ZBTB11: variants seen among roughly 807,000 people sequenced by gnomAD.
The protein encoded by ZBTB11 is zinc finger and BTB domain containing 11.
A neutral mutation model predicts 113.1 loss-of-function variants in ZBTB11; 68 were observed. That is an observed-to-expected ratio of 0.60 (90% CI 0.49 to 0.74). The LOEUF is 0.74. ZBTB11 is among the 30% of genes least tolerant of loss of function. ZBTB11 has a pLI of 0.00. For missense variants in ZBTB11, 1,104 were observed against 1,279.4 expected (o/e 0.86, Z 2.09); for synonymous variants, 518 against 452.6 (o/e 1.14, Z -1.83).
rs777945121 is a variant in ZBTB11, at chr3:101,676,920, A to T, written c.-6T>A. 1.3e-6 allele frequency: 2 copies of T among 1,556,948 alleles called. No individual in the cohort carries two copies. Among genetic ancestry groups the T allele is most frequent in the Admixed American group, 3.7e-5 (2 of 54,106 alleles). ...TAGCTTTCCTCGCTTGACATCGCGG[A>T]CCGCGGCTCCCTGAGGGCGCCTGTC... On this transcript the variant is annotated 5_prime_UTR_variant, in exon 1 of 11. Transcript: ENST00000312938.
chr3:101,669,902 C>T (rs576261295), intron 3 of ZBTB11, among the ~76,000 whole-genome samples: 1 of 151,328 alleles, frequency 6.6e-6, no homozygotes, highest in South Asian at 2.1e-4. Flanking sequence ...GATCTCAGCT[C>T]ACCGCAACGT....
Position 101,665,122 on chromosome 3 carries a change from C to T in ZBTB11, c.1465G>A (p.Ala489Thr). Residue 489 changes from alanine (A) to threonine (T), a missense_variant, in exon 4 of 11, where the codon GCA becomes ACA. By Grantham distance (58) the Ala-to-Thr change is moderately conservative (BLOSUM62 0). Around this residue, in one of 5 missense-constraint regions of ZBTB11, gnomAD observed 535 missense variants for 518.6 expected, o/e 1.03. Coordinates refer to ENST00000312938, the MANE Select transcript of ZBTB11 (RefSeq NM_014415.4). ...CCAAAGTCTGTCTTTGCTGTTGATG[C>T]AACTAGATTTTCCTGATCTTTTAAA... The part of the protein sequence containing the change: ...QPLKDQENLV[A>T]STAKTDFGPD... 1 of 1,614,144 alleles carries T rather than the reference C, an allele frequency of 6.2e-7. No individual in the cohort carries two copies. Among genetic ancestry groups the T allele is most frequent in the Non-Finnish European group, 8.5e-7 (1 of 1,180,034 alleles).
chr3:101,674,117 T>C (rs374660458), intron 1 of ZBTB11, among the ~76,000 whole-genome samples: 10 of 149,962 alleles, frequency 6.7e-5, no homozygotes, highest in African/African-American at 2.5e-4. Context: ...GGGCGGATCA[T>C]TTGAGGTAAG....
At position 101,649,636 on chromosome 3, in the gene ZBTB11, T is replaced by C. The variant is rs1936663591; in HGVS notation, c.*1530A>G. On this transcript the variant is annotated 3_prime_UTR_variant, in exon 11 of 11. Transcript: ENST00000312938. ...TAAATGAGCAGCCATTATAAAGTTA[T>C]GGGCTGTATGTCAATTCACGTCTTA... 4 of 152,626 alleles carry C rather than the reference T, an allele frequency of 2.6e-5. No individual in the cohort carries two copies. Among genetic ancestry groups the C allele is most frequent in the Admixed American group, 1.3e-4 (2 of 15,276 alleles). The allele number at this position is 152,626 out of a possible 1,614,324, so 9.5% of individuals were successfully genotyped here.
At position 101,676,882 on chromosome 3, in the gene ZBTB11, C is replaced by G; in HGVS notation, c.33G>C (p.Leu11=). Residue 11 remains leucine, a synonymous_variant, in exon 1 of 11, where the codon CTG becomes CTC. Transcript: ENST00000312938. MSSEESYRAI[L]RYLTNEREPY... is the part of the protein sequence containing the mutation. ...GCTCGCGCTCGTTCGTCAGGTAACG[C>G]AGGATGGCCCGGTAGCTTTCCTCGC... The G allele has an allele frequency of 1.3e-6, 2 of 1,598,166 alleles. No individual in the cohort carries two copies. The highest frequency in any genetic ancestry group is 1.7e-6 in the Non-Finnish European group (2 of 1,170,620).
At chr3:101,671,935 C>G (rs1339549119) in intron 2 of ZBTB11, 43 bp downstream of exon 2, 1 of 1,451,764 alleles carries the variant, frequency 6.9e-7, no homozygotes, top group East Asian at 2.3e-5. Context: ...AATACTAGTA[C>G]ACTAGTTACA....
chr3:101,672,020 C>T lies in ZBTB11; in HGVS notation c.504G>A (p.Lys168=). The change falls in exon 2 of 11, where the codon AAG becomes AAA. Residue 168 remains lysine, a synonymous_variant. Transcript: ENST00000312938. Reference sequence around the variant, plus strand: ...TGGATACTGGCTTCTTTTTTGCAGGCTTGGATGCTGTAGTTGGAGATGAAG... The same window carrying T: ...TGGATACTGGCTTCTTTTTTGCAGGTTTGGATGCTGTAGTTGGAGATGAAG... ...NFTSSPTTAS[K]PAKKKPVSKH... 1.9e-6 allele frequency: 3 copies of T among 1,614,116 alleles called. No individual in the cohort carries two copies. Among genetic ancestry groups the T allele is most frequent in the Non-Finnish European group, 2.5e-6 (3 of 1,180,006 alleles).
rs1559980045 is a variant in ZBTB11 at position 101,650,079 on chromosome 3, TCAA to T, written c.*1084_*1086del. ...CATAACCTTTAAAAATAATTTATCTTCAACAATTTAGTGGAACTGTAATCAATT... is the reference window on the plus strand; with the variant it reads ...CATAACCTTTAAAAATAATTTATCTTCAATTTAGTGGAACTGTAATCAATT... On this transcript the variant is annotated 3_prime_UTR_variant, in exon 11 of 11. Coordinates refer to ENST00000312938, the MANE Select transcript of ZBTB11 (RefSeq NM_014415.4). 1.3e-5 allele frequency: 2 copies of T among 152,346 alleles called. No homozygotes were observed. Among genetic ancestry groups the T allele is most frequent in the Non-Finnish European group, 2.9e-5 (2 of 68,002 alleles). The allele number at this position is 152,346 out of a possible 1,614,324, so 9.4% of individuals were successfully genotyped here.
chr3:101,670,423 G>A (rs916586702), intron 3 of ZBTB11, among the ~76,000 whole-genome samples: 1 of 152,048 alleles, frequency 6.6e-6, no homozygotes, highest in African/African-American at 2.4e-5. Flanking sequence ...AAATTCTAGT[G>A]AAGCCAAAAG....
intron 6 of ZBTB11, 79 bp from the exon 7 acceptor site, chr3:101,656,327 A>G (rs1328173777): frequency 1.2e-6 from 1 of 843,418 alleles, no homozygotes; most frequent in Non-Finnish European, 1.6e-6. Context: ...GAGAAAATGA[A>G]TATATTATTT....
chr3:101,653,085 G>T, intron 8 of ZBTB11, 147 bp from the exon 9 acceptor site: 1 of 853,088 alleles, frequency 1.2e-6, no homozygotes, highest in Non-Finnish European at 1.7e-6. Flanking sequence ...CTTACATAAA[G>T]GCTACAGGGT....
At chr3:101,654,654 A>C in intron 8 of ZBTB11, 50 bp downstream of exon 8, 1 of 1,478,222 alleles carries the variant, frequency 6.8e-7, no homozygotes, top group Non-Finnish European at 9.3e-7. Flanking sequence ...TTGAAAACTG[A>C]GTAAAAACAT....
chr3:101,649,197 T>A lies in ZBTB11; in HGVS notation c.*1969A>T, dbSNP rs1936654694. 6.6e-6 allele frequency: 1 copy of A among 152,244 alleles called. No individual in the cohort carries two copies. Among genetic ancestry groups the A allele is most frequent in the Non-Finnish European group, 1.5e-5 (1 of 68,060 alleles). 9.4% of individuals were successfully genotyped at this position (152,244 alleles called of 1,614,324 possible). On this transcript the variant is annotated 3_prime_UTR_variant, in exon 11 of 11. Transcript: ENST00000312938. ...TTGGGCATGAAAACAGGAATGCCTG[T>A]TCCCATTTAGGGCCATGGGTTTCCA...
rs1936689925 is a variant in ZBTB11 at position 101,650,923 on chromosome 3, A to G, written c.*243T>C. On this transcript the variant is annotated 3_prime_UTR_variant, in exon 11 of 11. Coordinates refer to ENST00000312938, the MANE Select transcript of ZBTB11 (RefSeq NM_014415.4). ...TATCATGATAAACCACTGCCATCAA[A>G]TATTAGGTTGGTGCAAAAGCAATTG... The G allele has an allele frequency of 3.0e-6, 1 of 335,256 alleles. No homozygotes were observed. Among genetic ancestry groups the G allele is most frequent in the Non-Finnish European group, 5.4e-6 (1 of 184,580 alleles). The allele number at this position is 335,256 out of a possible 1,614,324, so 20.8% of individuals were successfully genotyped here.
At chr3:101,669,755 CCT>C (rs915061821) in intron 3 of ZBTB11, among the ~76,000 whole-genome samples, 15 of 151,968 alleles carry the variant, frequency 9.9e-5, no homozygotes, top group African/African-American at 2.9e-4. Context: ...ATGTACACCC[CCT>C]GAGCCTAGGC....
In ZBTB11 at chr3:101,676,805, G is replaced by A; in HGVS notation, c.110C>T (p.Ala37Val). ...GNVKRKIRKA[A>V]ACYVVRGGTL... ...CCCGCCGCGCACCACGTAGCAGGCGGCAGCTTTTCGGATTTTACGCTTGAC... is the reference window on the plus strand; with the variant it reads ...CCCGCCGCGCACCACGTAGCAGGCGACAGCTTTTCGGATTTTACGCTTGAC... The change falls in exon 1 of 11, where the codon GCC becomes GTC. Residue 37 changes from alanine to valine, a missense_variant. Physicochemically the swap from Ala to Val is moderately conservative, Grantham distance 64. This residue lies in a region of ZBTB11 where 245 missense variants were observed against 272.5 expected (regional missense o/e 0.90). Transcript: ENST00000312938. 1 of 1,612,344 alleles carries A rather than the reference G, an allele frequency of 6.2e-7. No homozygotes were observed. The highest frequency in any genetic ancestry group is 8.5e-7 in the Non-Finnish European group (1 of 1,179,574).
chr3:101,671,478 T>C, intron 2 of ZBTB11, 117 bp from the exon 3 acceptor site: 1 of 738,920 alleles, frequency 1.4e-6, no homozygotes, highest in Non-Finnish European at 2.2e-6. Flanking sequence ...TAATTTGATA[T>C]TTTCTTTGTT....
chr3:101,651,940 C>T (rs1936711450), intron 10 of ZBTB11, among the ~76,000 whole-genome samples: 1 of 152,074 alleles, frequency 6.6e-6, no homozygotes, highest in Non-Finnish European at 1.5e-5. Flanking sequence ...ACCAGCCTGA[C>T]CAACATGGTG....
chr3:101,653,512 T>C (rs1936741833), intron 8 of ZBTB11, among the ~76,000 whole-genome samples: 1 of 152,206 alleles, frequency 6.6e-6, no homozygotes, highest in Non-Finnish European at 1.5e-5. Context: ...GCTAATGAAT[T>C]TGAATCCAGT....
Sources: allele counts gnomAD v4.1 joint callset (sites outside exome capture counted in the v4.1 genomes callset), GRCh38; gene constraint gnomAD v4.1.1; regional missense constraint gnomAD v4.1.1; transcripts MANE v1.5; gene names NCBI Gene and HGNC (gene_info 2026-07-23, HGNC 2026-07-21).